The following HLF variants were observed in gnomAD, a reference collection of about 807,000 sequenced individuals.
HLF encodes the protein hepatic leukemia factor.
A neutral mutation model predicts 22.6 loss-of-function variants in HLF; 3 were observed. That is an observed-to-expected ratio of 0.13 (90% CI 0.06 to 0.34). HLF has a LOEUF of 0.34. HLF is among the 10% of genes least tolerant of loss of function. The pLI is 1.00. For missense variants in HLF, 299 were observed against 389.2 expected, an observed-to-expected ratio of 0.77 and a Z score of 1.95; for synonymous variants, 151 against 151.8, an observed-to-expected ratio of 0.99 and a Z score of 0.04.
intron 2 of HLF, among the ~76,000 whole-genome samples, chr17:55,299,175 T>G (rs2081135288): frequency 6.6e-6 from 1 of 152,216 alleles, no homozygotes; most frequent in Non-Finnish European, 1.5e-5. Flanking sequence ...AGGCATAAAG[T>G]CCATTTTGTT....
At chr17:55,297,233 ACTTTT>A (rs2081118445) in intron 2 of HLF, among the ~76,000 whole-genome samples, 1 of 152,196 alleles carries the variant, frequency 6.6e-6, no homozygotes, top group African/African-American at 2.4e-5. Context: ...TCTGTTTGAT[ACTTTT>A]CTTGTTATTC....
rs759132306 is a variant in HLF at position 55,268,074 on chromosome 17, C to G, written c.439C>G (p.Pro147Ala). The G allele has an allele frequency of 6.4e-7, 1 of 1,556,686 alleles. No homozygotes were observed. Among genetic ancestry groups the G allele is most frequent in the Non-Finnish European group, 8.7e-7 (1 of 1,152,296 alleles). Residue 147 changes from proline to alanine, a missense_variant, in exon 2 of 4, where the codon CCC (proline) becomes GCC (alanine). Pro to Ala is a conservative substitution (Grantham distance 27, BLOSUM62 -1). This residue lies in a region of HLF where 224 missense variants were observed against 298.1 expected (regional missense o/e 0.75). Transcript: ENST00000226067. ...GIPSPNCMQS[P>A]IRPGQLLPAN... ...CCCATCTCCGAACTGTATGCAGAGCCCCATCAGACCAGGTAAGTGCCCTGA... is the reference window on the plus strand; with the variant it reads ...CCCATCTCCGAACTGTATGCAGAGCGCCATCAGACCAGGTAAGTGCCCTGA...
chr17:55,279,125 C>T (rs975656916), intron 2 of HLF, among the ~76,000 whole-genome samples: 35 of 152,158 alleles, frequency 2.3e-4, no homozygotes, highest in African/African-American at 8.2e-4. Context: ...TTCAAATGGG[C>T]AGTGACAACT....
At chr17:55,265,862 G>C in intron 1 of HLF, 1 of 1,239,056 alleles carries the variant, frequency 8.1e-7, no homozygotes, top group Non-Finnish European at 1.0e-6. Context: ...CTCCTGCGGC[G>C]CGGGTGGGAG....
chr17:55,265,149 AT>A lies in HLF; in HGVS notation c.-327del, dbSNP rs1039099794. ...CTTCTGCCCTTCTGCAGCCGTCGACATTTTTTTTTCTTTCTTTTTTTCAATT... is the reference window on the plus strand; with the variant it reads ...CTTCTGCCCTTCTGCAGCCGTCGACATTTTTTTTCTTTCTTTTTTTCAATT... On this transcript the variant is annotated 5_prime_UTR_variant, in exon 1 of 4. Transcript: ENST00000226067. The A allele has an allele frequency of 6.2e-4, 134 of 214,502 alleles. 1 individual carries two copies. The highest frequency in any genetic ancestry group is 1.0e-3 in the Non-Finnish European group (110 of 108,306). The allele number at this position is 214,502 out of a possible 1,614,324, so 13.3% of individuals were successfully genotyped here.
rs2030859771 is a variant in HLF, at chr17:55,320,624, A to G, written c.673-40A>G. On this transcript the variant is annotated intron_variant, in intron 3 of 3. Transcript: ENST00000226067. This position sits in a 1 kb window ranked among gnomAD's most constrained non-coding sequence, Gnocchi z 4.2. The stretch of plus-strand genomic sequence containing the variant: ...CTGGCACTGGGCTTTGCTGAAATCT[A>G]ATATCTTGTTTCTTTTTCCCTTCTG... 2 of 1,590,462 alleles carry G rather than the reference A, an allele frequency of 1.3e-6. No homozygotes were observed. Among genetic ancestry groups the G allele is most frequent in the African/African-American group, 1.3e-5 (1 of 74,424 alleles).
rs781521464 is a variant in HLF, at chr17:55,320,588, C to T, written c.673-76C>T. ...ACCTCTGCACAATCCTGGAGCCTGCCCGTGCCCTGGCTGGCACTGGGCTTT... is the reference window on the plus strand; with the variant it reads ...ACCTCTGCACAATCCTGGAGCCTGCTCGTGCCCTGGCTGGCACTGGGCTTT... On this transcript the variant is annotated intron_variant, in intron 3 of 3. Transcript: ENST00000226067. This position sits in a 1 kb window ranked among gnomAD's most constrained non-coding sequence, Gnocchi z 4.2. 3.4e-5 allele frequency: 46 copies of T among 1,352,154 alleles called. No individual in the cohort carries two copies. The highest frequency in any genetic ancestry group is 2.8e-4 in the Admixed American group (14 of 50,580). 83.8% of individuals were successfully genotyped at this position (1,352,154 alleles called of 1,614,324 possible).
At chr17:55,292,096 T>A (rs945112364) in intron 2 of HLF, among the ~76,000 whole-genome samples, 8 of 152,246 alleles carry the variant, frequency 5.3e-5, no homozygotes, top group African/African-American at 1.9e-4. Flanking sequence ...CTAGTGATGA[T>A]GCTGTGAACA....
At chr17:55,289,846 C>G (rs748731707) in intron 2 of HLF, among the ~76,000 whole-genome samples, 4 of 152,106 alleles carry the variant, frequency 2.6e-5, no homozygotes, top group Admixed American at 6.6e-5. Context: ...GTTTTCTCAG[C>G]TCTTAATCCT....
chr17:55,278,207 A>G (rs2080923788), intron 2 of HLF, among the ~76,000 whole-genome samples: 1 of 152,236 alleles, frequency 6.6e-6, no homozygotes, highest in South Asian at 2.1e-4. Flanking sequence ...GATTCCTAAA[A>G]ACAATGAGTG....
At chr17:55,293,339 G>A (rs1034955366) in intron 2 of HLF, among the ~76,000 whole-genome samples, 1 of 152,182 alleles carries the variant, frequency 6.6e-6, no homozygotes, top group Non-Finnish European at 1.5e-5. Context: ...AGCTGGACTG[G>A]GCAACGGCCG....
chr17:55,298,369 A>G (rs1313681287), intron 2 of HLF, among the ~76,000 whole-genome samples: 2 of 152,198 alleles, frequency 1.3e-5, no homozygotes, highest in African/African-American at 4.8e-5. Flanking sequence ...AAGAAGACGC[A>G]TGGAACTCAG....
rs570816746 is a variant in HLF, at chr17:55,268,825, C to A, written c.451+739C>A. Among the ~76,000 whole-genome samples, 6 of 152,044 alleles carry A rather than the reference C, an allele frequency of 3.9e-5. No homozygotes were observed. In the East Asian group the frequency reaches 1.2e-3, roughly 29 times the overall value. ...GGCTGCAAGGTCAGCTGTAAATGATCTTGAAATAGTACACAAAAATATCAC... is the reference window on the plus strand; with the variant it reads ...GGCTGCAAGGTCAGCTGTAAATGATATTGAAATAGTACACAAAAATATCAC... On this transcript the variant is annotated intron_variant, in intron 2 of 3. Transcript: ENST00000226067.
At position 55,292,551 on chromosome 17, in the gene HLF, CA is replaced by C. The variant is rs536217086; in HGVS notation, c.452-22666del. Among the ~76,000 whole-genome samples the C allele has an allele frequency of 3.0e-3, 448 of 147,240 alleles. 2 individuals carry two copies. Among genetic ancestry groups the C allele is most frequent in the South Asian group, 0.018 (84 of 4,620 alleles). ...ATAAATTTTATATGCACTGGGAAAC[CA>C]AAAAAAAAATGATGTGACTTGCTTT... is the stretch of plus-strand genomic sequence containing the variant. On this transcript the variant is annotated intron_variant, in intron 2 of 3. Coordinates refer to ENST00000226067, the MANE Select transcript of HLF (RefSeq NM_002126.5).
intron 2 of HLF, among the ~76,000 whole-genome samples, chr17:55,296,667 T>C (rs1233994375): frequency 6.6e-6 from 1 of 152,204 alleles, no homozygotes; most frequent in Non-Finnish European, 1.5e-5. Context: ...GGATTTAGAT[T>C]GTTTTCATCG....
chr17:55,292,997 G>A (rs548584801), intron 2 of HLF, among the ~76,000 whole-genome samples: 111 of 152,276 alleles, frequency 7.3e-4, no homozygotes, highest in Non-Finnish European at 1.1e-3. Flanking sequence ...GAAGGTTAGC[G>A]GGGGCTGGGA....
At position 55,323,046 on chromosome 17, in the gene HLF, C is replaced by T. The variant is rs185985617; in HGVS notation, c.*2167C>T. ...TCCTTTAATGATCTGGTGGTCTCCT[C>T]GTCAATCCATCAGCAATGCTTCTCT... is the stretch of plus-strand genomic sequence containing the variant. On this transcript the variant is annotated 3_prime_UTR_variant, in exon 4 of 4. Coordinates refer to ENST00000226067, the MANE Select transcript of HLF (RefSeq NM_002126.5). 5.0e-5 allele frequency: 11 copies of T among 220,282 alleles called. No individual in the cohort carries two copies. Among genetic ancestry groups the T allele is most frequent in the Admixed American group, 1.7e-4 (3 of 17,330 alleles). The allele number at this position is 220,282 out of a possible 1,614,324, so 13.6% of individuals were successfully genotyped here.
Position 55,323,307 on chromosome 17 carries a change from G to A in HLF, c.*2428G>A. ...CTTTTTACAGGCAAAGAGGCGAATT[G>A]TAGAATTGTTAGATGGCAATAGTCA... On this transcript the variant is annotated 3_prime_UTR_variant, in exon 4 of 4. Transcript: ENST00000226067. 1 of 216,456 alleles carries A rather than the reference G, an allele frequency of 4.6e-6. No individual in the cohort carries two copies. Among genetic ancestry groups the A allele is most frequent in the Non-Finnish European group, 9.3e-6 (1 of 107,320 alleles). The allele number at this position is 216,456 out of a possible 1,614,324, so 13.4% of individuals were successfully genotyped here.
At chr17:55,290,364 A>G (rs2081049550) in intron 2 of HLF, among the ~76,000 whole-genome samples, 1 of 151,838 alleles carries the variant, frequency 6.6e-6, no homozygotes, top group East Asian at 1.9e-4. Flanking sequence ...TTTTGGCACT[A>G]TTTTTCCAAC....
Sources: allele counts gnomAD v4.1 joint callset (sites outside exome capture counted in the v4.1 genomes callset), GRCh38; gene constraint gnomAD v4.1.1; regional missense constraint gnomAD v4.1.1; non-coding constraint Gnocchi (gnomAD v3.1); transcripts MANE v1.5; gene names NCBI Gene and HGNC (gene_info 2026-07-23, HGNC 2026-07-21).